CAND2: variants seen among roughly 807,000 people sequenced by gnomAD.
The protein encoded by CAND2 is cullin-associated NEDD8-dissociated protein 2.
In CAND2, 62 loss-of-function variants were observed where a neutral mutation model predicts 98.9. The observed-to-expected ratio is 0.63, with a 90% CI of 0.51 to 0.77. The LOEUF (loss-of-function observed/expected upper bound fraction) is 0.77. CAND2 is among the 30% of genes least tolerant of loss of function. The pLI is 0.00. For missense variants in CAND2, 1,501 were observed against 1,655.2 expected (o/e 0.91, Z 1.62); for synonymous variants, 770 against 731.9 (o/e 1.05, Z -0.84).
chr3:12,817,471 C>T lies in CAND2; in HGVS notation c.2539C>T (p.Leu847=). 6.2e-7 allele frequency: 1 copy of T among 1,613,600 alleles called. No homozygotes were observed. Among genetic ancestry groups the T allele is most frequent in the Non-Finnish European group, 8.5e-7 (1 of 1,179,888 alleles). The part of the protein sequence containing the change: ...TGVKVLAFLS[L]AEVGQVAGPG... ...GGTCAAGGTCCTGGCATTCTTGTCG[C>T]TGGCTGAGGTGGGTCAGGTGGCTGG... Residue 847 remains leucine, a synonymous_variant, in exon 10 of 15, where the codon CTG becomes TTG. Transcript: ENST00000456430.
At position 12,816,659 on chromosome 3, in the gene CAND2, C is replaced by T. The variant is rs145281444; in HGVS notation, c.1727C>T (p.Ala576Val). ...YVGEMSAVTL[A>V]RLRATDLDQE... ...GGAGAGATGTCTGCTGTCACCCTGGCGCGACTTCGTGCCACTGACCTGGAC... is the reference window on the plus strand; with the variant it reads ...GGAGAGATGTCTGCTGTCACCCTGGTGCGACTTCGTGCCACTGACCTGGAC... The change falls in exon 10 of 15, where the codon GCG becomes GTG. Residue 576 changes from alanine to valine, a missense_variant. Ala to Val is a moderately conservative substitution (Grantham distance 64). Around this residue, in one of 3 missense-constraint regions of CAND2, gnomAD observed 1,427 missense variants for 1,545.3 expected, o/e 0.92. Transcript: ENST00000456430. The T allele has an allele frequency of 2.5e-3, 4,008 of 1,613,778 alleles. 12 individuals are homozygous for T. Among genetic ancestry groups the T allele is most frequent in the Non-Finnish European group, 3.2e-3 (3,744 of 1,180,042 alleles).
chr3:12,812,054 G>A (rs1575768780), intron 5 of CAND2, among the ~76,000 whole-genome samples: 1 of 151,602 alleles, frequency 6.6e-6, no homozygotes, highest in East Asian at 1.9e-4. Flanking sequence ...GATTACAGGG[G>A]CGCACTGCCA....
intron 13 of CAND2, among the ~76,000 whole-genome samples, chr3:12,829,583 G>C (rs2124874325): frequency 6.6e-6 from 1 of 152,310 alleles, no homozygotes; most frequent in South Asian, 2.1e-4. Context: ...AAAGAAGCAA[G>C]TAATAATCAC....
intron 5 of CAND2, among the ~76,000 whole-genome samples, chr3:12,810,737 ATATCT>A (rs1360311416): frequency 2.0e-5 from 3 of 152,236 alleles, no homozygotes; most frequent in Non-Finnish European, 4.4e-5. Flanking sequence ...TTTGACAAAG[ATATCT>A]TAGTAACAGC....
rs2062084492 is a variant in CAND2 at position 12,834,597 on chromosome 3, A to G, written c.*615A>G. 1 of 152,458 alleles carries G rather than the reference A, an allele frequency of 6.6e-6. No individual in the cohort carries two copies. 9.4% of individuals were successfully genotyped at this position (152,458 alleles called of 1,614,324 possible). A position where few individuals can be genotyped will look rare whatever the true frequency, so the allele number is the denominator to read the frequency against. On this transcript the variant is annotated 3_prime_UTR_variant, in exon 15 of 15. Coordinates refer to ENST00000456430, the MANE Select transcript of CAND2 (RefSeq NM_001162499.2). ...TGGACAGGCTTGGACCTCATGTTTC[A>G]TTTCTAATTTCAAAATACTTATTAG...
intron 1 of CAND2, among the ~76,000 whole-genome samples, chr3:12,802,174 A>T (rs1409152007): frequency 6.6e-6 from 1 of 152,192 alleles, no homozygotes; most frequent in Admixed American, 6.5e-5. Flanking sequence ...AAAAATACAA[A>T]AAATTAGCCG....
chr3:12,804,998 T>A (rs2124837771), intron 2 of CAND2, among the ~76,000 whole-genome samples: 1 of 152,346 alleles, frequency 6.6e-6, no homozygotes. Context: ...AAATAGTTTG[T>A]AATACCGTTT....
At chr3:12,831,269 T>A (rs1475815018) in intron 13 of CAND2, among the ~76,000 whole-genome samples, 196 bp from the exon 14 acceptor site, 1 of 152,022 alleles carries the variant, frequency 6.6e-6, no homozygotes, top group East Asian at 1.9e-4. Context: ...CCTTGGGTCA[T>A]CCAAGTGTAG....
At chr3:12,819,351 A>C (rs1285341678) in intron 10 of CAND2, among the ~76,000 whole-genome samples, 2 of 152,160 alleles carry the variant, frequency 1.3e-5, no homozygotes, top group Admixed American at 1.3e-4. Flanking sequence ...TAGCCCATTC[A>C]CTGCATTGTG....
At chr3:12,797,925 C>T (rs1210711354) in intron 1 of CAND2, among the ~76,000 whole-genome samples, 1 of 152,074 alleles carries the variant, frequency 6.6e-6, no homozygotes, top group African/African-American at 2.4e-5. Context: ...GCAGCCCATT[C>T]CTCAGTACCC....
chr3:12,823,364 G>A (rs2061973804), intron 11 of CAND2, among the ~76,000 whole-genome samples: 1 of 151,850 alleles, frequency 6.6e-6, no homozygotes, highest in African/African-American at 2.4e-5. Context: ...GCTGAGGCGG[G>A]AGAATAACCT....
chr3:12,808,550 C>G (rs1316203933), intron 4 of CAND2, among the ~76,000 whole-genome samples: 1 of 152,228 alleles, frequency 6.6e-6, no homozygotes, highest in Non-Finnish European at 1.5e-5. Flanking sequence ...AACACCTGCT[C>G]TGGCCAGAAA....
chr3:12,821,714 T>C (rs2061958375), intron 11 of CAND2, among the ~76,000 whole-genome samples: 1 of 152,156 alleles, frequency 6.6e-6, no homozygotes, highest in Non-Finnish European at 1.5e-5. Flanking sequence ...GGCACCACAC[T>C]AGGCCCTTTA....
chr3:12,815,989 T>G lies in CAND2; in HGVS notation c.1422T>G (p.His474Gln). Residue 474 changes from histidine (H) to glutamine (Q), a missense_variant, in exon 9 of 15, where the codon CAT becomes CAG. Around this residue, in one of 3 missense-constraint regions of CAND2, gnomAD observed 1,427 missense variants for 1,545.3 expected, o/e 0.92. Transcript: ENST00000456430. The surrounding 1 kb of genome is among the most constrained non-coding windows in gnomAD (Gnocchi z 5.7). ...AGVLPGSLAE[H>Q]MPVLVSGIIF... Reference sequence around the variant, plus strand: ...TCCTCCCAGGCAGCCTGGCCGAGCATATGCCTGTGCTGGTATCAGGTAGGC... The same window carrying G: ...TCCTCCCAGGCAGCCTGGCCGAGCAGATGCCTGTGCTGGTATCAGGTAGGC... 6.2e-7 allele frequency: 1 copy of G among 1,613,764 alleles called. No homozygotes were observed. Among genetic ancestry groups the G allele is most frequent in the Non-Finnish European group, 8.5e-7 (1 of 1,179,910 alleles).
intron 12 of CAND2, among the ~76,000 whole-genome samples, chr3:12,826,820 G>C (rs1179587144): frequency 6.8e-6 from 1 of 147,524 alleles, no homozygotes; most frequent in Non-Finnish European, 1.5e-5. Flanking sequence ...AATGGGATCA[G>C]TAACATTTAC....
In CAND2 at chr3:12,815,162, A is replaced by T; in HGVS notation, c.1028A>T (p.Asp343Val). 6.2e-7 allele frequency: 1 copy of T among 1,611,916 alleles called. No homozygotes were observed. The highest frequency in any genetic ancestry group is 8.5e-7 in the Non-Finnish European group (1 of 1,178,504). ...SEQESEDEYS[D>V]DDDMSWKVRR... ...CCAGAGAGTGAAGACGAGTACAGCG[A>T]TGACGATGACATGAGCTGGAAGGTG... Residue 343 changes from aspartate (D) to valine (V), a missense_variant, in exon 8 of 15, where the codon GAT (aspartate) becomes GTT (valine). Asp to Val is a radical substitution (Grantham distance 152). Around this residue, in one of 3 missense-constraint regions of CAND2, gnomAD observed 1,427 missense variants for 1,545.3 expected, o/e 0.92. Transcript: ENST00000456430. This position sits in a 1 kb window ranked among gnomAD's most constrained non-coding sequence, Gnocchi z 5.7.
rs201105764 is a variant in CAND2 at position 12,816,881 on chromosome 3, T to C, written c.1949T>C (p.Leu650Pro). The change falls in exon 10 of 15, where the codon CTG becomes CCG. Residue 650 changes from leucine to proline, a missense_variant. Leu to Pro is a moderately conservative substitution (Grantham distance 98). Around this residue, in one of 3 missense-constraint regions of CAND2, gnomAD observed 1,427 missense variants for 1,545.3 expected, o/e 0.92. Transcript: ENST00000456430. ...CTACAGCTTGACCTACAGCCCATCC[T>C]GGCCGAGGCACTGCACATTCTGGCC... The part of the protein sequence containing the change: ...SPLQLDLQPI[L>P]AEALHILASF... The C allele has an allele frequency of 6.2e-7, 1 of 1,613,872 alleles. No homozygotes were observed. The highest frequency in any genetic ancestry group is 1.1e-5 in the South Asian group (1 of 91,082).
Position 12,816,683 on chromosome 3 carries a change from A to T in CAND2, c.1751A>T (p.Asp584Val), listed in dbSNP as rs2061906268. 1 of 1,613,730 alleles carries T rather than the reference A, an allele frequency of 6.2e-7. No individual in the cohort carries two copies. The highest frequency in any genetic ancestry group is 8.5e-7 in the Non-Finnish European group (1 of 1,180,040). Residue 584 changes from aspartate to valine, a missense_variant, in exon 10 of 15, where the codon GAC (aspartate) becomes GTC (valine). Physicochemically the swap from Asp to Val is radical, Grantham distance 152. This residue lies in a region of CAND2 where 1,427 missense variants were observed against 1,545.3 expected (regional missense o/e 0.92). Coordinates refer to ENST00000456430, the MANE Select transcript of CAND2 (RefSeq NM_001162499.2). ...TLARLRATDLDQEVKERAISC... is the reference protein window; with the variant it reads ...TLARLRATDLVQEVKERAISC... ...GCGCGACTTCGTGCCACTGACCTGG[A>T]CCAGGAGGTGAAGGAGCGGGCCATT...
At chr3:12,822,679 C>T (rs2061966750) in intron 11 of CAND2, among the ~76,000 whole-genome samples, 1 of 152,096 alleles carries the variant, frequency 6.6e-6, no homozygotes, top group Non-Finnish European at 1.5e-5. Flanking sequence ...CTGCCCCAGT[C>T]CTGGAATCAG....
Sources: gnomAD v4.1 joint callset for allele counts (sites outside exome capture counted in the v4.1 genomes callset) on GRCh38, gnomAD v4.1.1 for gene constraint, gnomAD v4.1.1 regional missense constraint, Gnocchi (gnomAD v3.1) non-coding constraint, MANE v1.5 for transcripts, NCBI Gene and HGNC (gene_info 2026-07-23, HGNC 2026-07-21) for gene names.